UBR4: variants seen among roughly 807,000 people sequenced by gnomAD.
UBR4 encodes the protein E3 ubiquitin-protein ligase UBR4.
Under a neutral mutation model 575.6 loss-of-function variants are expected in UBR4, and 124 were observed. The observed-to-expected ratio is 0.22, with a 90% CI of 0.19 to 0.25. The LOEUF (loss-of-function observed/expected upper bound fraction) is 0.25. Ranked by LOEUF, UBR4 falls within the 10% of genes least tolerant of loss-of-function variation. The pLI is 1.00. For missense variants in UBR4, 4,818 were observed against 6,478.8 expected, an observed-to-expected ratio of 0.74 and a Z score of 8.80; for synonymous variants, 2,455 against 2,473.7, an observed-to-expected ratio of 0.99 and a Z score of 0.22.
chr1:19,131,478 T>G (rs2149711389), intron 60 of UBR4, among the ~76,000 whole-genome samples: 2 of 152,304 alleles, frequency 1.3e-5, no homozygotes, highest in Admixed American at 1.3e-4. Context: ...ATTGTCAATA[T>G]GGCTAGGTTA....
rs373232441 is a variant in UBR4 at position 19,193,586 on chromosome 1, C to T, written c.1019-29G>A. On this transcript the variant is annotated intron_variant, in intron 8 of 105. Coordinates refer to ENST00000375254, the MANE Select transcript of UBR4 (RefSeq NM_020765.3). ...AAAAAGAAGATGCACAGGTCTCAGCCATGGAGTGCATCCAAGAATCCACCA... is the reference window on the plus strand; with the variant it reads ...AAAAAGAAGATGCACAGGTCTCAGCTATGGAGTGCATCCAAGAATCCACCA... The T allele has an allele frequency of 6.9e-6, 11 of 1,585,986 alleles. No individual in the cohort carries two copies. In the African/African-American group the frequency reaches 1.2e-4, roughly 18 times the overall value.
intron 78 of UBR4, chr1:19,111,551 T>C (rs2079874608): frequency 1.3e-5 from 2 of 152,170 alleles, no homozygotes; most frequent in South Asian, 4.1e-4. Flanking sequence ...ACTCCTGACC[T>C]CGTGATCTGC....
At chr1:19,169,336 T>C in intron 27 of UBR4, 99 bp downstream of exon 27, 2 of 945,946 alleles carry the variant, frequency 2.1e-6, no homozygotes, top group South Asian at 2.0e-5. Flanking sequence ...TATGAAGATA[T>C]CTTGGTAGCT....
intron 49 of UBR4, among the ~76,000 whole-genome samples, chr1:19,149,251 T>C (rs1397086437): frequency 2.0e-5 from 3 of 152,190 alleles, no homozygotes; most frequent in Non-Finnish European, 4.4e-5. Context: ...CAGGGTTTAC[T>C]CCTTTCAATT....
chr1:19,189,541 G>A (rs1306877589), intron 11 of UBR4, among the ~76,000 whole-genome samples: 2 of 152,160 alleles, frequency 1.3e-5, no homozygotes, highest in Non-Finnish European at 2.9e-5. Flanking sequence ...CATATACACT[G>A]ATCCCATTTT....
intron 32 of UBR4, 99 bp from the exon 33 acceptor site, chr1:19,164,540 C>A: frequency 7.6e-7 from 1 of 1,308,148 alleles, no homozygotes; most frequent in Non-Finnish European, 1.1e-6. Flanking sequence ...TACATAACTA[C>A]AATACCAATC....
chr1:19,162,580 A>G lies in UBR4; in HGVS notation c.4796T>C (p.Ile1599Thr). The part of the protein sequence containing the change: ...HVMILECTCH[I>T]MSYLADVTNA... ...CGTGACATCAGCCAAGTAAGACATG[A>G]TATGGCATGTGCACTCCAAGATCAT... The change falls in exon 35 of 106, where the codon ATC becomes ACC. Residue 1599 changes from isoleucine to threonine, a missense_variant. By Grantham distance (89) the Ile-to-Thr change is moderately conservative. This residue lies in a region of UBR4 where 1,172 missense variants were observed against 1,259.7 expected (regional missense o/e 0.93). Coordinates refer to ENST00000375254, the MANE Select transcript of UBR4 (RefSeq NM_020765.3). The G allele has an allele frequency of 6.2e-7, 1 of 1,613,988 alleles. No individual in the cohort carries two copies. Among genetic ancestry groups the G allele is most frequent in the Non-Finnish European group, 8.5e-7 (1 of 1,179,958 alleles).
At chr1:19,191,890 A>G (rs971548764) in intron 11 of UBR4, among the ~76,000 whole-genome samples, 1 of 152,238 alleles carries the variant, frequency 6.6e-6, no homozygotes, top group African/African-American at 2.4e-5. Context: ...CCCGCTTTAC[A>G]AGACAGAAAC....
intron 3 of UBR4, 68 bp downstream of exon 3, chr1:19,199,583 A>T: frequency 7.0e-7 from 1 of 1,431,156 alleles, no homozygotes; most frequent in Non-Finnish European, 9.8e-7. Flanking sequence ...ACTGACCTCT[A>T]CTCTATTCCA....
chr1:19,101,754 T>C lies in UBR4; in HGVS notation c.12902-113A>G, dbSNP rs185645302. 4.1e-5 allele frequency: 61 copies of C among 1,480,606 alleles called. No individual in the cohort carries two copies. In the East Asian group the frequency reaches 1.4e-3, roughly 33 times the overall value. 91.7% of individuals were successfully genotyped at this position (1,480,606 alleles called of 1,614,324 possible). A position where few individuals can be genotyped will look rare whatever the true frequency, so the allele number is the denominator to read the frequency against. ...AAATTATTTCTGCCTGGTAAGTCTT[T>C]AAATGCCCTACATGGCAATATCAAT... On this transcript the variant is annotated intron_variant, in intron 87 of 105. Coordinates refer to ENST00000375254, the MANE Select transcript of UBR4 (RefSeq NM_020765.3).
chr1:19,184,117 C>A lies in UBR4; in HGVS notation c.1997G>T (p.Arg666Leu). The A allele has an allele frequency of 3.1e-6, 5 of 1,614,056 alleles. No homozygotes were observed. Among genetic ancestry groups the A allele is most frequent in the Non-Finnish European group, 4.2e-6 (5 of 1,180,012 alleles). The change falls in exon 16 of 106, where the codon CGG becomes CTG. Residue 666 changes from arginine (R) to leucine (L), a missense_variant. By Grantham distance (102) the Arg-to-Leu change is moderately radical. Transcript: ENST00000375254. ...NFITSSMLNS[R>L]NNFIRNYLSV... ...CAGATAGTTTCGGATAAAATTGTTC[C>A]GAGAGTTCAGCATGGAAGAGGTGAT...
chr1:19,182,689 G>C (rs1470953587), intron 17 of UBR4, among the ~76,000 whole-genome samples: 1 of 151,978 alleles, frequency 6.6e-6, no homozygotes, highest in East Asian at 1.9e-4. Flanking sequence ...ATCTCATTGT[G>C]GTTTTGAGTC....
At position 19,152,586 on chromosome 1, in the gene UBR4, A is replaced by G. The variant is rs1236925048; in HGVS notation, c.6833-110T>C. The stretch of plus-strand genomic sequence containing the variant: ...CACACTCACACTCTAATCTAAGCAA[A>G]CTCTGGATTATAACATTTGCATCGG... On this transcript the variant is annotated intron_variant, in intron 46 of 105. Transcript: ENST00000375254. The surrounding 1 kb of genome is among the most constrained non-coding windows in gnomAD (Gnocchi z 4.4). The G allele has an allele frequency of 7.2e-7, 1 of 1,394,196 alleles. No homozygotes were observed. The highest frequency in any genetic ancestry group is 1.4e-5 in the African/African-American group (1 of 69,668). 86.4% of individuals were successfully genotyped at this position (1,394,196 alleles called of 1,614,324 possible). A position where few individuals can be genotyped will look rare whatever the true frequency, so the allele number is the denominator to read the frequency against.
chr1:19,111,834 G>A (rs1187315775), intron 78 of UBR4: 1 of 151,892 alleles, frequency 6.6e-6, no homozygotes, highest in Non-Finnish European at 1.5e-5. Flanking sequence ...TGGTCAGGCT[G>A]GTCTTGAACT....
At chr1:19,193,764 C>T (rs184452600) in intron 8 of UBR4, among the ~76,000 whole-genome samples, 20 of 152,200 alleles carry the variant, frequency 1.3e-4, no homozygotes, top group Admixed American at 6.5e-4. Context: ...AAAACTTACA[C>T]GCGCGCACAC....
chr1:19,202,744 T>A (rs935114986), intron 1 of UBR4, among the ~76,000 whole-genome samples: 5 of 152,190 alleles, frequency 3.3e-5, no homozygotes, highest in African/African-American at 1.2e-4. Context: ...ACATTTAAAG[T>A]CATTGTATCA....
Position 19,167,076 on chromosome 1 carries a change from T to G in UBR4, c.4055A>C (p.Glu1352Ala). The G allele has an allele frequency of 6.2e-7, 1 of 1,614,206 alleles. No homozygotes were observed. Among genetic ancestry groups the G allele is most frequent in the South Asian group, 1.1e-5 (1 of 91,084 alleles). ...GTTGTAACAACCAGTGATCAGCTTCTCATAAACACGAGCCAAGAACTCATC... is the reference window on the plus strand; with the variant it reads ...GTTGTAACAACCAGTGATCAGCTTCGCATAAACACGAGCCAAGAACTCATC... ...ESDEFLARVYEKLITGCYNIL... is the reference protein window; with the variant it reads ...ESDEFLARVYAKLITGCYNIL... Residue 1352 changes from glutamate to alanine, a missense_variant, in exon 29 of 106, where the codon GAG (glutamate) becomes GCG (alanine). Physicochemically the swap from Glu to Ala is moderately radical, Grantham distance 107. Around this residue, in one of 29 missense-constraint regions of UBR4, gnomAD observed 1,172 missense variants for 1,259.7 expected, o/e 0.93. Coordinates refer to ENST00000375254, the MANE Select transcript of UBR4 (RefSeq NM_020765.3).
At chr1:19,083,798 C>T (rs2076751542) in intron 102 of UBR4, among the ~76,000 whole-genome samples, 1 of 152,204 alleles carries the variant, frequency 6.6e-6, no homozygotes, top group South Asian at 2.1e-4. Flanking sequence ...GGATGACAGG[C>T]GTGAGCCACC....
At position 19,145,896 on chromosome 1, in the gene UBR4, C is replaced by T. The variant is rs769602051; in HGVS notation, c.7842G>A (p.Leu2614=). The T allele has an allele frequency of 6.2e-7, 1 of 1,614,178 alleles. No homozygotes were observed. The highest frequency in any genetic ancestry group is 2.2e-5 in the East Asian group (1 of 44,878). The part of the protein sequence containing the change: ...MDEGKEPQKQ[L]EGDCCSFITQ... Reference sequence around the variant, plus strand: ...TGATGAAACTACAGCAATCTCCTTCCAACTGCTTCTGCGGTTCCTTCCCTT... The same window carrying T: ...TGATGAAACTACAGCAATCTCCTTCTAACTGCTTCTGCGGTTCCTTCCCTT... Residue 2614 remains leucine, a synonymous_variant, in exon 53 of 106, where the codon TTG becomes TTA. Transcript: ENST00000375254.
Sources: allele counts gnomAD v4.1 joint callset (sites outside exome capture counted in the v4.1 genomes callset), GRCh38; gene constraint gnomAD v4.1.1; regional missense constraint gnomAD v4.1.1; non-coding constraint Gnocchi (gnomAD v3.1); transcripts MANE v1.5; gene names NCBI Gene and HGNC (gene_info 2026-07-23, HGNC 2026-07-21).